SYMPK: variants seen among roughly 807,000 people sequenced by gnomAD.
SYMPK encodes symplekin scaffold protein, also known as symplekin.
Under a neutral mutation model 136.4 loss-of-function variants are expected in SYMPK, and 49 were observed. The observed-to-expected ratio is 0.36, with a 90% CI of 0.29 to 0.46. The LOEUF (loss-of-function observed/expected upper bound fraction) is 0.46, where lower values mean the gene tolerates loss of function less well. SYMPK is among the 20% of genes least tolerant of loss of function. SYMPK has a pLI of 1.00. For missense variants in SYMPK, 1,365 were observed against 1,690.0 expected, an observed-to-expected ratio of 0.81 and a Z score of 3.37; for synonymous variants, 766 against 713.0, an observed-to-expected ratio of 1.07 and a Z score of -1.19.
chr19:45,817,010 A>G, intron 23 of SYMPK, 36 bp from the exon 24 acceptor site: 1 of 1,543,684 alleles, frequency 6.5e-7, no homozygotes, highest in Admixed American at 2.1e-5. Context: ...CGGGAGAGGC[A>G]CACAGGCATC....
In SYMPK at chr19:45,817,939, G is replaced by A. The variant is rs769876405; in HGVS notation, c.3081+20C>T. The A allele has an allele frequency of 5.2e-6, 8 of 1,546,060 alleles. No homozygotes were observed. The South Asian group carries it at 9.7e-5, about 19-fold the overall frequency. On this transcript the variant is annotated intron_variant, in intron 23 of 26. Coordinates refer to ENST00000245934, the MANE Select transcript of SYMPK (RefSeq NM_004819.3). The stretch of plus-strand genomic sequence containing the variant: ...GCTGCTGTCTGCAGCCTGGAGGCGG[G>A]GTGGCCGGGGATGGGTTACCTGCTT...
intron 23 of SYMPK, among the ~76,000 whole-genome samples, chr19:45,817,417 C>CTCTTTTTTTTTTTTTTTTTTTTTTTTTTT (rs1568605965): frequency 9.2e-6 from 1 of 108,480 alleles, no homozygotes. Context: ...TTTTTGTTCT[C>CTCTTTTTTTTTTTTTTTTTTTTTTTTTTT]TTTTTTTTTT....
rs1178105655 is a variant in SYMPK, at chr19:45,816,827, C to A, written c.3229G>T (p.Ala1077Ser). Residue 1077 changes from alanine to serine, a missense_variant, in exon 24 of 27, where the codon GCC becomes TCC. Around this residue, in one of 11 missense-constraint regions of SYMPK, gnomAD observed 341 missense variants for 270.5 expected, o/e 1.26. Transcript: ENST00000245934. ...KCPELREPLL[A>S]HVRSFTPHQQ... is the part of the protein sequence containing the mutation. ...TGGGGGGTGAAGGAGCGGACATGGG[C>A]CAGCAGGGGCTCCCGGAGCTCTGGG... 26 of 1,544,746 alleles carry A rather than the reference C, an allele frequency of 1.7e-5. No homozygotes were observed. The highest frequency in any genetic ancestry group is 2.3e-5 in the Non-Finnish European group (26 of 1,144,908).
Position 45,816,103 on chromosome 19 carries a change from C to T in SYMPK, c.3435G>A (p.Gln1145=). The change falls in exon 26 of 27, where the codon CAG becomes CAA. Residue 1145 remains glutamine (Q), a synonymous_variant. Transcript: ENST00000245934. ...PQDLIGLRLA[Q]EKALKRQLEE... ...CCAGCTGCCGCTTTAAGGCCTTCTC[C>T]TGGGCCAGTCGCAGGCCGATGAGGT... 2.6e-6 allele frequency: 4 copies of T among 1,556,114 alleles called. No homozygotes were observed. The highest frequency in any genetic ancestry group is 3.5e-6 in the Non-Finnish European group (4 of 1,149,844).
chr19:45,829,059 G>T lies in SYMPK; in HGVS notation c.1896C>A (p.Ala632=), dbSNP rs373014308. 1 of 1,614,174 alleles carries T rather than the reference G, an allele frequency of 6.2e-7. No individual in the cohort carries two copies. The highest frequency in any genetic ancestry group is 1.1e-5 in the South Asian group (1 of 91,082). ...WLYQEYNAYL[A]AGASGSLDKY... ...TGTCCAGGGAGCCCGAGGCACCTGC[G>T]GCCAGGTAGGCGTTGTACTCCTGGT... The change falls in exon 14 of 27, where the codon GCC becomes GCA. Residue 632 remains alanine, a synonymous_variant. Coordinates refer to ENST00000245934, the MANE Select transcript of SYMPK (RefSeq NM_004819.3).
At chr19:45,817,415 C>CTTTTTTTTTTTTTTTTT (rs1568605953) in intron 23 of SYMPK, among the ~76,000 whole-genome samples, 1 of 100,172 alleles carries the variant, frequency 1.0e-5, no homozygotes, top group African/African-American at 3.9e-5. Context: ...TTTTTTTGTT[C>CTTTTTTTTTTTTTTTTT]TCTTTTTTTT....
In SYMPK at chr19:45,815,511, T is replaced by TAC; in HGVS notation, c.*48_*49insGT. 9.9e-6 allele frequency: 10 copies of TAC among 1,012,782 alleles called. No individual in the cohort carries two copies. The highest frequency in any genetic ancestry group is 1.6e-5 in the African/African-American group (1 of 61,542). 62.7% of individuals were successfully genotyped at this position (1,012,782 alleles called of 1,614,324 possible). ...CACCCGCAGGTCAAGCCCCGCCCCG[T>TAC]CCCCCAGCCCCGAGTCCCTGTCCCA... On this transcript the variant is annotated 3_prime_UTR_variant, in exon 27 of 27. Coordinates refer to ENST00000245934, the MANE Select transcript of SYMPK (RefSeq NM_004819.3).
At chr19:45,853,562 C>T (rs1323146878) in intron 3 of SYMPK, among the ~76,000 whole-genome samples, 2 of 151,122 alleles carry the variant, frequency 1.3e-5, no homozygotes, top group African/African-American at 4.9e-5. Flanking sequence ...CAGTGAGAGC[C>T]AGGATCGTGC....
chr19:45,860,122 C>T (rs1971927914), intron 1 of SYMPK, among the ~76,000 whole-genome samples: 1 of 148,334 alleles, frequency 6.7e-6, no homozygotes, highest in Non-Finnish European at 1.5e-5. Context: ...CCTGATGAAC[C>T]TGTTTCCAAA....
In SYMPK at chr19:45,847,793, C is replaced by T; in HGVS notation, c.635G>A (p.Ser212Asn). ...GTGGTCACGAGGGATGCGGTCCAGG[C>T]TGATATCATGCTCCTGGCGTCGGGG... is the stretch of plus-strand genomic sequence containing the variant. ...EIPRRQEHDISLDRIPRDHPY... is the reference protein window; with the variant it reads ...EIPRRQEHDINLDRIPRDHPY... Residue 212 changes from serine to asparagine, a missense_variant, in exon 7 of 27, where the codon AGC (serine) becomes AAC (asparagine). Ser to Asn is a conservative substitution (Grantham distance 46). Coordinates refer to ENST00000245934, the MANE Select transcript of SYMPK (RefSeq NM_004819.3). The T allele has an allele frequency of 6.2e-7, 1 of 1,614,102 alleles. No individual in the cohort carries two copies.
chr19:45,823,282 C>T (rs1970952481), intron 20 of SYMPK, 90 bp downstream of exon 20: 1 of 1,349,966 alleles, frequency 7.4e-7, no homozygotes, highest in South Asian at 1.2e-5. Flanking sequence ...GTGCCTCTGG[C>T]TCAACTGCTG....
chr19:45,827,794 C>G, intron 15 of SYMPK, 43 bp downstream of exon 15: 1 of 1,604,186 alleles, frequency 6.2e-7, no homozygotes, highest in Non-Finnish European at 8.5e-7. Flanking sequence ...GGGCAGGGCC[C>G]TGTCCCCTGC....
At chr19:45,862,373 A>C (rs2146354821) in intron 1 of SYMPK, 1 of 152,278 alleles carries the variant, frequency 6.6e-6, no homozygotes, top group Middle Eastern at 3.4e-3. Flanking sequence ...CTGTTTCCCC[A>C]AACTGGCTCT....
chr19:45,835,253 C>T (rs1971276068), intron 10 of SYMPK, 25 bp from the exon 11 acceptor site: 2 of 1,552,132 alleles, frequency 1.3e-6, no homozygotes, highest in East Asian at 4.5e-5. Flanking sequence ...GGAAGAGAGC[C>T]TCTCCTTAAT....
chr19:45,828,873 G>A (rs1433308472), intron 14 of SYMPK, 97 bp downstream of exon 14: 3 of 1,198,862 alleles, frequency 2.5e-6, no homozygotes, highest in South Asian at 1.4e-5. Flanking sequence ...TGACTCGGGG[G>A]GTGACGAAGA....
intron 12 of SYMPK, 73 bp downstream of exon 12, chr19:45,831,311 A>G: frequency 7.7e-7 from 1 of 1,292,396 alleles, no homozygotes; most frequent in Non-Finnish European, 1.0e-6. Flanking sequence ...GCACACGCAC[A>G]CGCACACGAG....
chr19:45,815,765 C>T (rs1309711960), intron 26 of SYMPK, 68 bp from the exon 27 acceptor site: 12 of 1,590,798 alleles, frequency 7.5e-6, no homozygotes, highest in Non-Finnish European at 1.0e-5. Flanking sequence ...CCCTTCAGGC[C>T]CTGCCCCCTG....
intron 12 of SYMPK, 36 bp from the exon 13 acceptor site, chr19:45,830,240 C>T (rs1447726112): frequency 6.3e-7 from 1 of 1,589,728 alleles, no homozygotes; most frequent in East Asian, 2.3e-5. Context: ...TGCAGTGACC[C>T]AGACTGCAGC....
chr19:45,831,733 C>G (rs1213940464), intron 11 of SYMPK, 145 bp from the exon 12 acceptor site: 1 of 513,534 alleles, frequency 1.9e-6, no homozygotes, highest in East Asian at 3.3e-5. Flanking sequence ...GGAGTGGGTA[C>G]TCTTTTTATC....
Sources: allele counts gnomAD v4.1 joint callset (sites outside exome capture counted in the v4.1 genomes callset), GRCh38; gene constraint gnomAD v4.1.1; regional missense constraint gnomAD v4.1.1; transcripts MANE v1.5; gene names NCBI Gene and HGNC (gene_info 2026-07-23, HGNC 2026-07-21).